Variants in ZNF681 observed in about 807,000 individuals in gnomAD.
ZNF681 encodes hypothetical protein FLJ31526.
A neutral mutation model predicts 56.0 loss-of-function variants in ZNF681; 37 were observed. The observed-to-expected ratio is 0.66, with a 90% CI of 0.51 to 0.87. ZNF681 has a LOEUF of 0.87. Among genes scored for constraint, ZNF681 ranks in the 40% least tolerant of loss-of-function variants. The probability of loss-of-function intolerance (pLI) is 0.00; values close to 1 mark genes in which losing one functional copy is unlikely to be tolerated. For synonymous variants in ZNF681, 225 were observed against 248.6 expected (o/e 0.91, Z 0.89); for missense variants, 741 against 744.9 (o/e 0.99, Z 0.06).
intron 1 of ZNF681, among the ~76,000 whole-genome samples, chr19:23,756,329 C>CG (rs397934106): frequency 2.8e-4 from 43 of 151,966 alleles, no homozygotes; most frequent in Admixed American, 5.9e-4. Flanking sequence ...TGTCCCCCCC[C>CG]AAAAAAAGAC....
rs1968852757 is a variant in ZNF681, at chr19:23,739,519, A to G, written c.*4093T>C. The G allele has an allele frequency of 6.6e-6, 1 of 152,236 alleles. No individual in the cohort carries two copies. The highest frequency in any genetic ancestry group is 1.5e-5 in the Non-Finnish European group (1 of 68,030). The allele number at this position is 152,236 out of a possible 1,614,324, so 9.4% of individuals were successfully genotyped here. On this transcript the variant is annotated 3_prime_UTR_variant, in exon 4 of 4. Transcript: ENST00000402377. ...AAATGTTAACTATGTTAGGTAAAGC[A>G]TTAATTACCTAGAATGAAGCATTTG... is the stretch of plus-strand genomic sequence containing the variant.
chr19:23,755,687 G>C, intron 1 of ZNF681, 136 bp from the exon 2 acceptor site: 1 of 1,037,440 alleles, frequency 9.6e-7, no homozygotes, highest in Non-Finnish European at 1.3e-6. Context: ...CTGACTTACA[G>C]AAATGACTGA....
In ZNF681 at chr19:23,744,032, G is replaced by C. The variant is rs529855394; in HGVS notation, c.1518C>G (p.Tyr506Ter). ...HKRIHTGEKS[Y>*]KCEECGKAFY... ...AAGCTTTGCCACATTCTTCACATTT[G>C]TAGGATTTCTCTCCAGTATGAATTC... is the stretch of plus-strand genomic sequence containing the variant. Residue 506 changes from tyrosine (Y) to a stop codon, truncating the protein, a stop_gained, in exon 4 of 4, where the codon TAC becomes TAG. Transcript: ENST00000402377. LOFTEE classifies it high-confidence loss of function. The C allele has an allele frequency of 9.3e-6, 15 of 1,613,180 alleles. No individual in the cohort carries two copies. In the African/African-American group the frequency reaches 1.9e-4, roughly 20 times the overall value.
intron 3 of ZNF681, among the ~76,000 whole-genome samples, chr19:23,751,971 G>A (rs1393588106): frequency 2.6e-5 from 4 of 152,208 alleles, no homozygotes; most frequent in African/African-American, 7.2e-5. Context: ...ACAGGCGTGA[G>A]CCACTGCGCC....
At chr19:23,745,669 T>C (rs1440629013) in intron 3 of ZNF681, among the ~76,000 whole-genome samples, 1 of 151,838 alleles carries the variant, frequency 6.6e-6, no homozygotes. Context: ...GCCAGGCTGG[T>C]CTCAAATTCC....
chr19:23,755,890 T>G (rs943095676), intron 1 of ZNF681, among the ~76,000 whole-genome samples: 3 of 152,122 alleles, frequency 2.0e-5, no homozygotes, highest in Non-Finnish European at 4.4e-5. Flanking sequence ...GCTTTTACAC[T>G]GTTGGTGGGA....
intron 3 of ZNF681, among the ~76,000 whole-genome samples, chr19:23,753,486 T>C (rs879607735): frequency 3.3e-5 from 5 of 152,306 alleles, no homozygotes; most frequent in Non-Finnish European, 7.3e-5. Flanking sequence ...CAATGAAAGA[T>C]ATATCAATGA....
In ZNF681 at chr19:23,741,841, A is replaced by C. The variant is rs754742690; in HGVS notation, c.*1771T>G. 16 of 152,302 alleles carry C rather than the reference A, an allele frequency of 1.1e-4. No homozygotes were observed. The highest frequency in any genetic ancestry group is 1.9e-4 in the Non-Finnish European group (13 of 68,028). The allele number at this position is 152,302 out of a possible 1,614,324, so 9.4% of individuals were successfully genotyped here. On this transcript the variant is annotated 3_prime_UTR_variant, in exon 4 of 4. Transcript: ENST00000402377. ...TTACATATTATATACCTGTATCAAA[A>C]TATGCCATATATGCCATATTTACAC...
At chr19:23,755,159 T>C (rs915520823) in intron 2 of ZNF681, among the ~76,000 whole-genome samples, 3 of 152,152 alleles carry the variant, frequency 2.0e-5, no homozygotes, top group Non-Finnish European at 4.4e-5. Flanking sequence ...GTGTGAGCAA[T>C]AATATTTTAT....
intron 1 of ZNF681, 86 bp downstream of exon 1, chr19:23,758,661 G>A: frequency 6.2e-7 from 1 of 1,605,894 alleles, no homozygotes; most frequent in Admixed American, 1.7e-5. Context: ...AACTCAGGGC[G>A]CAAATTGTGG....
chr19:23,748,078 G>A (rs956781877), intron 3 of ZNF681, among the ~76,000 whole-genome samples: 5 of 151,938 alleles, frequency 3.3e-5, no homozygotes, highest in Admixed American at 2.0e-4. Context: ...ATGACATGAC[G>A]TTGTTCTTGG....
chr19:23,747,383 T>G (rs1968959524), intron 3 of ZNF681, among the ~76,000 whole-genome samples: 1 of 152,188 alleles, frequency 6.6e-6, no homozygotes, highest in South Asian at 2.1e-4. Context: ...CTCAAGCCTG[T>G]AATCCCAGCA....
intron 1 of ZNF681, among the ~76,000 whole-genome samples, chr19:23,756,580 A>G (rs900406016): frequency 2.0e-5 from 3 of 152,146 alleles, no homozygotes; most frequent in African/African-American, 7.2e-5. Flanking sequence ...CTCATTAGTA[A>G]GAGTTGAACA....
At chr19:23,754,677 G>A (rs886993964) in intron 3 of ZNF681, 146 bp downstream of exon 3, 20 of 723,064 alleles carry the variant, frequency 2.8e-5, no homozygotes, top group Admixed American at 2.0e-4. Context: ...AAAAGAAAAA[G>A]AAAAGAAAAG....
rs1346230944 is a variant in ZNF681 at position 23,755,557 on chromosome 19, A to AC, written c.4-7_4-6insG. ...TCCCTAAATTTCAATGGTTCCTGAA[A>AC]AACACACACACACACACACACACAC... On this transcript the variant is annotated splice_polypyrimidine_tract_variant and splice_region_variant and intron_variant, in intron 1 of 3. Coordinates refer to ENST00000402377, the MANE Select transcript of ZNF681 (RefSeq NM_138286.3). 154 of 1,543,714 alleles carry AC rather than the reference A, an allele frequency of 1.0e-4. 2 individuals carry two copies. Among genetic ancestry groups the AC allele is most frequent in the East Asian group, 7.7e-4 (33 of 43,124 alleles).
At position 23,744,619 on chromosome 19, in the gene ZNF681, C is replaced by T. The variant is rs781470030; in HGVS notation, c.931G>A (p.Glu311Lys). The T allele has an allele frequency of 1.9e-5, 31 of 1,612,920 alleles. No homozygotes were observed. The highest frequency in any genetic ancestry group is 2.5e-5 in the Non-Finnish European group (30 of 1,179,780). The change falls in exon 4 of 4, where the codon GAA becomes AAA. Residue 311 changes from glutamate to lysine, a missense_variant. By Grantham distance (56) the Glu-to-Lys change is moderately conservative. Transcript: ENST00000402377. The stretch of plus-strand genomic sequence containing the variant: ...AAAGCTTTGCCACATTCCTTATATT[C>T]ATTGAGTTTCTCTCTGGTATGAATT... ...KIIHTREKLN[E>K]YKECGKAFNQ... is the part of the protein sequence containing the mutation.
chr19:23,758,626 G>T, intron 1 of ZNF681, 121 bp downstream of exon 1: 1 of 1,486,362 alleles, frequency 6.7e-7, no homozygotes, highest in Non-Finnish European at 9.4e-7. Context: ...TGGTCCAAGT[G>T]GACTGAGGCC....
Position 23,744,237 on chromosome 19 carries a change from G to C in ZNF681, c.1313C>G (p.Thr438Ser). 1 of 1,613,626 alleles carries C rather than the reference G, an allele frequency of 6.2e-7. No homozygotes were observed. The highest frequency in any genetic ancestry group is 8.5e-7 in the Non-Finnish European group (1 of 1,179,814). ...GKASNQSSNL[T>S]EHKNIHTEEK... The stretch of plus-strand genomic sequence containing the variant: ...TTCAGTATGAATATTCTTATGTTCA[G>C]TAAGGTTTGAGGATTGGTTAGAAGC... The change falls in exon 4 of 4, where the codon ACT becomes AGT. Residue 438 changes from threonine to serine, a missense_variant. Coordinates refer to ENST00000402377, the MANE Select transcript of ZNF681 (RefSeq NM_138286.3).
intron 3 of ZNF681, among the ~76,000 whole-genome samples, chr19:23,750,825 T>TCAA (rs1555713625): frequency 7.8e-6 from 1 of 128,822 alleles, no homozygotes; most frequent in Admixed American, 8.0e-5. Flanking sequence ...ACCGCATCTC[T>TCAA]AAAAAAAAAA....
Sources: gnomAD v4.1 joint callset for allele counts (sites outside exome capture counted in the v4.1 genomes callset) on GRCh38, gnomAD v4.1.1 for gene constraint, MANE v1.5 for transcripts, NCBI Gene and HGNC (gene_info 2026-07-23, HGNC 2026-07-21) for gene names.